GPC5: variants seen among roughly 807,000 people sequenced by gnomAD.
GPC5 encodes glypican-5.
GPC5 carries 47 observed loss-of-function variants against 53.9 expected under a neutral mutation model. That is an observed-to-expected ratio of 0.87 (90% CI 0.69 to 1.11). GPC5 has a LOEUF of 1.11. GPC5 is among the 50% of genes most tolerant of loss of function. GPC5 has a pLI of 0.00. For synonymous variants in GPC5, 286 were observed against 263.3 expected (o/e 1.09, Z -0.84); for missense variants, 748 against 713.1 (o/e 1.05, Z -0.56).
chr13:92,600,319 G>T (rs1044167045), intron 7 of GPC5, among the ~76,000 whole-genome samples: 1 of 152,014 alleles, frequency 6.6e-6, no homozygotes, highest in African/African-American at 2.4e-5. Context: ...ATTTTGTAGG[G>T]TTTGTTTTTT....
chr13:92,786,553 C>T (rs182238820), intron 7 of GPC5, among the ~76,000 whole-genome samples: 178 of 152,160 alleles, frequency 1.2e-3, no homozygotes, highest in African/African-American at 3.9e-3. Context: ...AAATATAACA[C>T]TGGCGATACT....
intron 7 of GPC5, among the ~76,000 whole-genome samples, chr13:92,573,604 C>G (rs1477550776): frequency 1.3e-5 from 2 of 152,030 alleles, no homozygotes. Context: ...GTTAAAATTT[C>G]TCGGTAGAGG....
chr13:91,921,468 G>GA (rs1441694523), intron 6 of GPC5, among the ~76,000 whole-genome samples: 1 of 151,850 alleles, frequency 6.6e-6, no homozygotes, highest in Non-Finnish European at 1.5e-5. Flanking sequence ...GAGCACTTGA[G>GA]AAAAAATGAA....
intron 7 of GPC5, among the ~76,000 whole-genome samples, chr13:92,626,506 A>C (rs1885051002): frequency 6.6e-6 from 1 of 152,278 alleles, no homozygotes; most frequent in African/African-American, 2.4e-5. Context: ...GAGATGTCTA[A>C]AGAGGATTGT....
At chr13:91,821,717 C>A (rs939177638) in intron 5 of GPC5, among the ~76,000 whole-genome samples, 106 of 152,196 alleles carry the variant, frequency 7.0e-4, no homozygotes, top group African/African-American at 2.3e-3. Flanking sequence ...CTAATCTATT[C>A]ATATGATTAT....
chr13:92,668,658 T>A (rs1886649671), intron 7 of GPC5, among the ~76,000 whole-genome samples: 1 of 152,164 alleles, frequency 6.6e-6, no homozygotes, highest in South Asian at 2.1e-4. Flanking sequence ...TCTATAATCT[T>A]TTATTTGACA....
chr13:92,054,149 GGTGTGT>G (rs141324926), intron 6 of GPC5, among the ~76,000 whole-genome samples: 67,809 of 145,868 alleles, frequency 0.46, 16,325 homozygotes, highest in East Asian at 0.68. Context: ...ACTTTGGAGG[GGTGTGT>G]GTGTGTGTGT....
chr13:91,829,545 T>C (rs117307472), intron 5 of GPC5, among the ~76,000 whole-genome samples: 2,067 of 152,200 alleles, frequency 0.014, 10 homozygotes, highest in Non-Finnish European at 0.021. Context: ...AGAGTGTATA[T>C]GGGTGAGAAA....
At chr13:91,537,514 A>G (rs1039784751) in intron 2 of GPC5, among the ~76,000 whole-genome samples, 3 of 152,210 alleles carry the variant, frequency 2.0e-5, no homozygotes, top group African/African-American at 7.2e-5. Context: ...AAGTAAAGAG[A>G]TTGTATTGGT....
At chr13:92,211,665 G>A (rs2042376318) in intron 7 of GPC5, among the ~76,000 whole-genome samples, 1 of 152,188 alleles carries the variant, frequency 6.6e-6, no homozygotes, top group Non-Finnish European at 1.5e-5. Flanking sequence ...TCAGGAGAGA[G>A]CCCCAGCAAT....
chr13:91,928,425 G>A (rs1393249082), intron 6 of GPC5, among the ~76,000 whole-genome samples: 1 of 152,158 alleles, frequency 6.6e-6, no homozygotes, highest in Admixed American at 6.6e-5. Flanking sequence ...TTAACAGAGT[G>A]CCCCTTCCTT....
At chr13:91,432,988 A>T (rs1252069413) in intron 1 of GPC5, among the ~76,000 whole-genome samples, 1 of 152,150 alleles carries the variant, frequency 6.6e-6, no homozygotes, top group Non-Finnish European at 1.5e-5. Flanking sequence ...ACTTTAATGA[A>T]GGCCTTTTGT....
At chr13:92,025,430 C>T (rs1228899092) in intron 6 of GPC5, among the ~76,000 whole-genome samples, 1 of 152,118 alleles carries the variant, frequency 6.6e-6, no homozygotes, top group Non-Finnish European at 1.5e-5. Flanking sequence ...CATTAGTTTT[C>T]TTCCCTTCAC....
In GPC5 at chr13:92,360,477, T is replaced by G. The variant is rs2043556829; in HGVS notation, c.1561+215488T>G. 2.0e-5 allele frequency among the ~76,000 whole-genome samples: 3 copies of G among 151,666 alleles called. 1 individual carries two copies. In the East Asian group the frequency reaches 5.8e-4, roughly 29 times the overall value. ...AATTTACATATTAAGCAAACATACCTCAAATTAATAAGGGCCTTATATGAC... is the reference window on the plus strand; with the variant it reads ...AATTTACATATTAAGCAAACATACCGCAAATTAATAAGGGCCTTATATGAC... On this transcript the variant is annotated intron_variant, in intron 7 of 7. Transcript: ENST00000377067.
rs113930195 is a variant in GPC5 at position 92,647,879 on chromosome 13, G to A, written c.1562-218403G>A. On this transcript the variant is annotated intron_variant, in intron 7 of 7. Coordinates refer to ENST00000377067, the MANE Select transcript of GPC5 (RefSeq NM_004466.6). ...TTGAATGTGTCTGTTAGGGGTCCAG[G>A]CATTTTTCAGACTCTAATATGATGA... 2.3e-4 allele frequency among the ~76,000 whole-genome samples: 35 copies of A among 152,040 alleles called. 1 individual carries two copies. Among genetic ancestry groups the A allele is most frequent in the Non-Finnish European group, 3.4e-4 (23 of 67,958 alleles).
intron 7 of GPC5, among the ~76,000 whole-genome samples, chr13:92,818,558 A>G (rs1877563245): frequency 6.6e-6 from 1 of 151,970 alleles, no homozygotes; most frequent in South Asian, 2.1e-4. Context: ...AACAGCTGGC[A>G]TAACGTAAAC....
chr13:92,456,268 C>T (rs879937661), intron 7 of GPC5, among the ~76,000 whole-genome samples: 4 of 152,102 alleles, frequency 2.6e-5, no homozygotes, highest in Admixed American at 6.6e-5. Context: ...CTTAAGTTCT[C>T]GAAGGATGCT....
chr13:92,493,416 T>G (rs547062485), intron 7 of GPC5, among the ~76,000 whole-genome samples: 1 of 152,314 alleles, frequency 6.6e-6, no homozygotes, highest in South Asian at 2.1e-4. Context: ...AGAATAGAAT[T>G]TGTTGCTTCT....
Position 91,571,359 on chromosome 13 carries a change from A to G in GPC5, c.326-121828A>G, listed in dbSNP as rs181056637. On this transcript the variant is annotated intron_variant, in intron 2 of 7. Transcript: ENST00000377067. Reference sequence around the variant, plus strand: ...CCACTTGCTGAGAAATGGGAAGGGGAAAAGATCTGGTCATTAACAGAGAAT... The same window carrying G: ...CCACTTGCTGAGAAATGGGAAGGGGGAAAGATCTGGTCATTAACAGAGAAT... Among the ~76,000 whole-genome samples the G allele has an allele frequency of 4.4e-3, 676 of 152,234 alleles. 5 individuals carry two copies. The highest frequency in any genetic ancestry group is 0.037 in the Middle Eastern group (11 of 294).
Sources: gnomAD v4.1 joint callset for allele counts (sites outside exome capture counted in the v4.1 genomes callset) on GRCh38, gnomAD v4.1.1 for gene constraint, MANE v1.5 for transcripts, NCBI Gene and HGNC (gene_info 2026-07-23, HGNC 2026-07-21) for gene names.